The following TXNDC16 variants were observed in gnomAD, a reference collection of about 807,000 sequenced individuals.
TXNDC16 encodes the protein thioredoxin domain-containing protein 16.
Under a neutral mutation model 85.6 loss-of-function variants are expected in TXNDC16, and 74 were observed. The ratio of observed to expected loss-of-function variants is 0.86; its 90% CI spans 0.72 to 1.05. The LOEUF is 1.05. Among genes scored for constraint, TXNDC16 ranks in the 50% least tolerant of loss-of-function variants. The pLI, the probability that TXNDC16 is intolerant of heterozygous loss-of-function variation, is 0.00. For missense variants in TXNDC16, 959 were observed against 947.0 expected (o/e 1.01, Z -0.17); for synonymous variants, 335 against 326.5 (o/e 1.03, Z -0.28).
chr14:52,525,628 G>A (rs2037312321), intron 6 of TXNDC16, among the ~76,000 whole-genome samples: 1 of 151,162 alleles, frequency 6.6e-6, no homozygotes, highest in Admixed American at 6.6e-5. Context: ...AACCCAGGAG[G>A]CGGAGGTTGC....
intron 17 of TXNDC16, among the ~76,000 whole-genome samples, chr14:52,456,111 A>G (rs77840681): frequency 0.013 from 2,032 of 152,336 alleles, 43 homozygotes; most frequent in African/African-American, 0.046. Context: ...GCTTTGTGTA[A>G]AATTACTAGT....
At chr14:52,443,992 G>GA (rs1316272942) in intron 18 of TXNDC16, among the ~76,000 whole-genome samples, 5 of 149,952 alleles carry the variant, frequency 3.3e-5, no homozygotes, top group South Asian at 4.2e-4. Flanking sequence ...AGCAAAAGAA[G>GA]AAAAAAAAAG....
intron 6 of TXNDC16, among the ~76,000 whole-genome samples, chr14:52,530,266 A>G (rs866248204): frequency 1.8e-5 from 1 of 54,948 alleles, no homozygotes; most frequent in South Asian, 6.3e-4. Flanking sequence ...TATATAATAT[A>G]TATTATTATT....
chr14:52,477,066 A>G (rs1417696739), intron 14 of TXNDC16, among the ~76,000 whole-genome samples: 1 of 152,210 alleles, frequency 6.6e-6, no homozygotes, highest in Non-Finnish European at 1.5e-5. Context: ...TTTTGTACCC[A>G]GCAAAACTAA....
chr14:52,490,323 T>G (rs1244001227), intron 11 of TXNDC16, 68 bp downstream of exon 11: 2 of 1,095,266 alleles, frequency 1.8e-6, no homozygotes, highest in East Asian at 5.8e-5. Context: ...AAAAATATAT[T>G]AAAGACCACA....
chr14:52,544,831 A>T (rs568853016), intron 1 of TXNDC16, among the ~76,000 whole-genome samples: 3 of 152,254 alleles, frequency 2.0e-5, no homozygotes, highest in Non-Finnish European at 4.4e-5. Context: ...TCAAAAACTC[A>T]AAGTAAAATG....
chr14:52,438,456 A>G (rs966540110), intron 20 of TXNDC16, among the ~76,000 whole-genome samples: 1 of 152,224 alleles, frequency 6.6e-6, no homozygotes, highest in Non-Finnish European at 1.5e-5. Flanking sequence ...TCATCAGCCA[A>G]AAGGTTACAA....
chr14:52,506,209 C>G (rs533225488), intron 9 of TXNDC16, among the ~76,000 whole-genome samples: 2 of 152,306 alleles, frequency 1.3e-5, no homozygotes, highest in African/African-American at 4.8e-5. Flanking sequence ...AGGGAATCCT[C>G]CCTAACTCAT....
intron 9 of TXNDC16, among the ~76,000 whole-genome samples, chr14:52,505,342 T>TA (rs979621644): frequency 6.6e-6 from 1 of 152,018 alleles, no homozygotes; most frequent in African/African-American, 2.4e-5. Context: ...CTCAGCAATG[T>TA]AAAAAAACAG....
In TXNDC16 at chr14:52,447,869, T is replaced by A. The variant is rs770082649; in HGVS notation, c.1843-7145A>T. Reference sequence around the variant, plus strand: ...ATAATTAAAAAGAATCCAGCAGAAATTCTGGAGCTCAAAAATGCAACTAAA... The same window carrying A: ...ATAATTAAAAAGAATCCAGCAGAAAATCTGGAGCTCAAAAATGCAACTAAA... On this transcript the variant is annotated intron_variant, in intron 18 of 20. Transcript: ENST00000281741. Among the ~76,000 whole-genome samples, 59 of 152,086 alleles carry A rather than the reference T, an allele frequency of 3.9e-4. No homozygotes were observed. In the Middle Eastern group the frequency reaches 0.017, roughly 44 times the overall value.
rs145970443 is a variant in TXNDC16 at position 52,490,485 on chromosome 14, C to T, written c.924-34G>A. 126 of 1,509,358 alleles carry T rather than the reference C, an allele frequency of 8.3e-5. 1 individual carries two copies. In the African/African-American group the frequency reaches 1.2e-3, roughly 15 times the overall value. 93.5% of individuals were successfully genotyped at this position (1,509,358 alleles called of 1,614,324 possible). A position where few individuals can be genotyped will look rare whatever the true frequency, so the allele number is the denominator to read the frequency against. On this transcript the variant is annotated intron_variant, in intron 10 of 20. Coordinates refer to ENST00000281741, the MANE Select transcript of TXNDC16 (RefSeq NM_020784.3). ...AAATGGAAATAAATGTTTTATGTTGCTAATCTGAAGAATAATAGTCACCCA... is the reference window on the plus strand; with the variant it reads ...AAATGGAAATAAATGTTTTATGTTGTTAATCTGAAGAATAATAGTCACCCA...
chr14:52,500,483 C>T (rs753875216), intron 9 of TXNDC16, among the ~76,000 whole-genome samples: 1 of 152,140 alleles, frequency 6.6e-6, no homozygotes, highest in East Asian at 1.9e-4. Flanking sequence ...GTTGTGTGTT[C>T]AATGAGTATA....
intron 16 of TXNDC16, among the ~76,000 whole-genome samples, chr14:52,459,918 G>A (rs1449671392): frequency 2.0e-5 from 3 of 152,036 alleles, no homozygotes; most frequent in African/African-American, 7.3e-5. Context: ...ACCTCAATAA[G>A]AGCCATCTAT....
At chr14:52,434,218 T>C (rs2034975629) in intron 20 of TXNDC16, among the ~76,000 whole-genome samples, 1 of 152,124 alleles carries the variant, frequency 6.6e-6, no homozygotes, top group South Asian at 2.1e-4. Flanking sequence ...GTTTAAAGTG[T>C]AGCATGTAGC....
chr14:52,509,689 T>A (rs2036908024), intron 9 of TXNDC16, among the ~76,000 whole-genome samples: 2 of 150,576 alleles, frequency 1.3e-5, no homozygotes, highest in South Asian at 2.1e-4. Flanking sequence ...AAAAAAGAAC[T>A]AAGGAATGGC....
intron 16 of TXNDC16, among the ~76,000 whole-genome samples, chr14:52,465,942 G>T (rs2140126837): frequency 6.6e-6 from 1 of 152,188 alleles, no homozygotes; most frequent in Non-Finnish European, 1.5e-5. Flanking sequence ...AGATATACAG[G>T]TATATACTAA....
At chr14:52,509,633 A>T in intron 9 of TXNDC16, among the ~76,000 whole-genome samples, 1 of 151,904 alleles carries the variant, frequency 6.6e-6, no homozygotes, top group Non-Finnish European at 1.5e-5. Context: ...CCTAAAACTT[A>T]AAGTATAATA....
In TXNDC16 at chr14:52,521,551, G is replaced by A. The variant is rs1229241919; in HGVS notation, c.393-2258C>T. Among the ~76,000 whole-genome samples, 3 of 152,046 alleles carry A rather than the reference G, an allele frequency of 2.0e-5. No individual in the cohort carries two copies. In the East Asian group the frequency reaches 5.8e-4, roughly 29 times the overall value. On this transcript the variant is annotated intron_variant, in intron 6 of 20. Transcript: ENST00000281741. ...AGCCTCTAGAACCCCAATTCATGAG[G>A]GAATGAAAGTGAAAAAGCCAAATAA...
chr14:52,517,475 G>A (rs1005649319), intron 7 of TXNDC16, among the ~76,000 whole-genome samples: 1 of 151,898 alleles, frequency 6.6e-6, no homozygotes. Context: ...TGATGATTTT[G>A]TGTCTATTTC....
Sources: gnomAD v4.1 joint callset for allele counts (sites outside exome capture counted in the v4.1 genomes callset) on GRCh38, gnomAD v4.1.1 for gene constraint, MANE v1.5 for transcripts, NCBI Gene and HGNC (gene_info 2026-07-23, HGNC 2026-07-21) for gene names.